Variants in SDC3 observed in about 807,000 individuals in gnomAD.
SDC3 encodes the protein syndecan 3, also known as syndecan-3.
SDC3 carries 13 observed loss-of-function variants against 24.4 expected under a neutral mutation model. The observed-to-expected ratio is 0.53, with a 90% confidence interval of 0.35 to 0.85. The LOEUF is 0.85. Ranked by LOEUF, SDC3 falls within the 40% of genes least tolerant of loss-of-function variation. The probability of loss-of-function intolerance (pLI) is 0.01; values close to 1 mark genes in which losing one functional copy is unlikely to be tolerated. For missense variants in SDC3, 571 were observed against 584.5 expected, an observed-to-expected ratio of 0.98 and a Z score of 0.24; for synonymous variants, 295 against 260.9, an observed-to-expected ratio of 1.13 and a Z score of -1.26.
At chr1:30,888,728 C>T (rs139593168) in intron 1 of SDC3, among the ~76,000 whole-genome samples, 1 of 152,344 alleles carries the variant, frequency 6.6e-6, no homozygotes, top group Non-Finnish European at 1.5e-5. Context: ...GGAGATGCCA[C>T]TCCCCGCCCC....
chr1:30,872,623 C>T lies in SDC3; in HGVS notation c.*588G>A, dbSNP rs1219856149. 6.5e-6 allele frequency: 1 copy of T among 153,324 alleles called. No individual in the cohort carries two copies. The highest frequency in any genetic ancestry group is 1.5e-5 in the Non-Finnish European group (1 of 68,880). The allele number at this position is 153,324 out of a possible 1,614,324, so 9.5% of individuals were successfully genotyped here. ...TGCAGAAAGAAATGAAGTCTGGGTA[C>T]ATGTGTACTTGGCAGGCAAGAGGAG... is the stretch of plus-strand genomic sequence containing the variant. On this transcript the variant is annotated 3_prime_UTR_variant, in exon 5 of 5. Transcript: ENST00000339394.
chr1:30,872,245 G>T lies in SDC3; in HGVS notation c.*966C>A, dbSNP rs1185525071. 1 of 152,308 alleles carries T rather than the reference G, an allele frequency of 6.6e-6. No individual in the cohort carries two copies. Among genetic ancestry groups the T allele is most frequent in the African/African-American group, 2.4e-5 (1 of 41,454 alleles). The allele number at this position is 152,308 out of a possible 1,614,324, so 9.4% of individuals were successfully genotyped here. A position where few individuals can be genotyped will look rare whatever the true frequency, so the allele number is the denominator to read the frequency against. On this transcript the variant is annotated 3_prime_UTR_variant, in exon 5 of 5. Coordinates refer to ENST00000339394, the MANE Select transcript of SDC3 (RefSeq NM_014654.4). ...GAAAGCTGGAGACAATGTGTGTGGT[G>T]CCAGAGTGTGGGTGTATTTGGGGTA...
intron 1 of SDC3, among the ~76,000 whole-genome samples, chr1:30,887,162 C>T (rs1639840830): frequency 6.6e-6 from 1 of 152,064 alleles, no homozygotes; most frequent in Non-Finnish European, 1.5e-5. Flanking sequence ...CGACAGGTGG[C>T]CCAGCTCAGG....
intron 1 of SDC3, among the ~76,000 whole-genome samples, chr1:30,890,084 G>A (rs1409979651): frequency 1.3e-5 from 2 of 152,234 alleles, no homozygotes; most frequent in African/African-American, 2.4e-5. Flanking sequence ...GCCGAGGTGG[G>A]AGGGTCACCT....
chr1:30,877,936 C>A, intron 2 of SDC3: 1 of 152,754 alleles, frequency 6.5e-6, no homozygotes. Flanking sequence ...GTGCAGACCC[C>A]GTACCATCTC....
At chr1:30,907,818 C>T (rs368749043) in intron 1 of SDC3, among the ~76,000 whole-genome samples, 2 of 152,234 alleles carry the variant, frequency 1.3e-5, no homozygotes, top group South Asian at 2.1e-4. Flanking sequence ...AAGTCACCCT[C>T]CACCTCCACC....
intron 1 of SDC3, among the ~76,000 whole-genome samples, chr1:30,889,248 G>T (rs1047343881): frequency 6.6e-6 from 1 of 152,142 alleles, no homozygotes; most frequent in Non-Finnish European, 1.5e-5. Flanking sequence ...TCCAAACAAG[G>T]CTCTCAGCCC....
At chr1:30,904,652 C>T (rs887259515) in intron 1 of SDC3, among the ~76,000 whole-genome samples, 3 of 152,120 alleles carry the variant, frequency 2.0e-5, no homozygotes, top group Admixed American at 1.3e-4. Flanking sequence ...GTCACAGCCC[C>T]CAGTAGTGAT....
At position 30,873,227 on chromosome 1, in the gene SDC3, T is replaced by C. The variant is rs753985778; in HGVS notation, c.1313A>G (p.Glu438Gly). The C allele has an allele frequency of 3.1e-6, 5 of 1,613,586 alleles. No individual in the cohort carries two copies. In the East Asian group the frequency reaches 1.1e-4, roughly 36 times the overall value. The change falls in exon 5 of 5, where the codon GAG becomes GGG. Residue 438 changes from glutamate to glycine, a missense_variant. Glu to Gly is a moderately conservative substitution (Grantham distance 98). Coordinates refer to ENST00000339394, the MANE Select transcript of SDC3 (RefSeq NM_014654.4). Reference sequence around the variant, plus strand: ...GTGGCTCCACTAGGCATAGAACTCCTCCTGCTTGTCAGGCTTCTGGTATGT... The same window carrying C: ...GTGGCTCCACTAGGCATAGAACTCCCCCTGCTTGTCAGGCTTCTGGTATGT... ...SVTYQKPDKQ[E>G]EFYA
intron 1 of SDC3, among the ~76,000 whole-genome samples, chr1:30,893,521 A>ACG (rs1639939087): frequency 2.6e-5 from 4 of 151,934 alleles, no homozygotes; most frequent in Admixed American, 2.6e-4. Flanking sequence ...TGCCCAGCTC[A>ACG]CGCGTCCCCT....
chr1:30,872,381 C>T lies in SDC3; in HGVS notation c.*830G>A, dbSNP rs193080406. On this transcript the variant is annotated 3_prime_UTR_variant, in exon 5 of 5. Transcript: ENST00000339394. The stretch of plus-strand genomic sequence containing the variant: ...GAGGATAAACATTCTTGGAAGGACG[C>T]GTGTGTTCTGTGATATGTCTTGATT... 2.3e-3 allele frequency: 350 copies of T among 152,372 alleles called. 3 individuals are homozygous for T. Among genetic ancestry groups the T allele is most frequent in the Non-Finnish European group, 3.3e-3 (227 of 68,106 alleles). The allele number at this position is 152,372 out of a possible 1,614,324, so 9.4% of individuals were successfully genotyped here.
chr1:30,891,794 A>C (rs1422732865), intron 1 of SDC3, among the ~76,000 whole-genome samples: 2 of 150,870 alleles, frequency 1.3e-5, no homozygotes, highest in African/African-American at 4.9e-5. Context: ...TGGAGATTGC[A>C]GTGAGCCAAG....
At position 30,908,538 on chromosome 1, in the gene SDC3, C is replaced by G. The variant is rs1638580335; in HGVS notation, c.49G>C (p.Ala17Pro). ...GGCCCGGCCGCGGCCCCGGCCCCGG[C>G]GCCGGCCCCGTGGGCGGCCCCGGCA... ...HRAGAAHGAGAGAGAAAGPGA... is the reference protein window; with the variant it reads ...HRAGAAHGAGPGAGAAAGPGA... The change falls in exon 1 of 5, where the codon GCC becomes CCC. Residue 17 changes from alanine (A) to proline (P), a missense_variant. Ala to Pro is a conservative substitution (Grantham distance 27, BLOSUM62 -1). Coordinates refer to ENST00000339394, the MANE Select transcript of SDC3 (RefSeq NM_014654.4). The G allele has an allele frequency of 1.1e-6, 1 of 935,346 alleles. No individual in the cohort carries two copies. Among genetic ancestry groups the G allele is most frequent in the Non-Finnish European group, 1.3e-6 (1 of 789,964 alleles). The allele number at this position is 935,346 out of a possible 1,614,324, so 57.9% of individuals were successfully genotyped here.
chr1:30,891,591 G>A (rs190436518), intron 1 of SDC3, among the ~76,000 whole-genome samples: 146 of 152,302 alleles, frequency 9.6e-4, no homozygotes, highest in African/African-American at 3.2e-3. Context: ...AAGAAGGGAG[G>A]AGGAGGCCAG....
intron 1 of SDC3, among the ~76,000 whole-genome samples, chr1:30,893,384 A>G (rs1639937408): frequency 7.0e-6 from 1 of 142,904 alleles, no homozygotes; most frequent in South Asian, 2.2e-4. Flanking sequence ...ACGATTTTCC[A>G]CCAGCGGGAC....
chr1:30,872,837 C>A lies in SDC3; in HGVS notation c.*374G>T, dbSNP rs983357909. 1 of 232,700 alleles carries A rather than the reference C, an allele frequency of 4.3e-6. No homozygotes were observed. The allele number at this position is 232,700 out of a possible 1,614,324, so 14.4% of individuals were successfully genotyped here. A position where few individuals can be genotyped will look rare whatever the true frequency, so the allele number is the denominator to read the frequency against. ...TGCCTCTCTGCCCCAAAAAGGAGAT[C>A]TCAGTGAGCACTGTGGGTGCCAAGT... is the stretch of plus-strand genomic sequence containing the variant. On this transcript the variant is annotated 3_prime_UTR_variant, in exon 5 of 5. Coordinates refer to ENST00000339394, the MANE Select transcript of SDC3 (RefSeq NM_014654.4).
intron 1 of SDC3, among the ~76,000 whole-genome samples, chr1:30,899,024 T>C (rs1638349003): frequency 6.6e-6 from 1 of 152,230 alleles, no homozygotes; most frequent in South Asian, 2.1e-4. Flanking sequence ...ACTGGATCTG[T>C]CTGACAGAAG....
intron 1 of SDC3, among the ~76,000 whole-genome samples, chr1:30,888,894 G>C (rs72882084): frequency 0.12 from 18,461 of 152,124 alleles, 2,607 homozygotes; most frequent in East Asian, 0.53. Flanking sequence ...AGACAAAAAG[G>C]CTGGAAGAAG....
Position 30,870,006 on chromosome 1 carries a change from G to C in SDC3, c.*3205C>G. On this transcript the variant is annotated 3_prime_UTR_variant, in exon 5 of 5. Transcript: ENST00000339394. Reference sequence around the variant, plus strand: ...GCCTCTGTAAATCTGTACAGTTTGCGGGCTTCTATTTACAGGCAAGAGGCC... The same window carrying C: ...GCCTCTGTAAATCTGTACAGTTTGCCGGCTTCTATTTACAGGCAAGAGGCC... 2.5e-6 allele frequency: 1 copy of C among 397,832 alleles called. No homozygotes were observed. Among genetic ancestry groups the C allele is most frequent in the Non-Finnish European group, 4.4e-6 (1 of 226,018 alleles). 24.6% of individuals were successfully genotyped at this position (397,832 alleles called of 1,614,324 possible).
Sources: allele counts gnomAD v4.1 joint callset (sites outside exome capture counted in the v4.1 genomes callset), GRCh38; gene constraint gnomAD v4.1.1; transcripts MANE v1.5; gene names NCBI Gene and HGNC (gene_info 2026-07-23, HGNC 2026-07-21).